Variants in SMCHD1 observed in about 807,000 individuals in gnomAD.
SMCHD1 encodes the protein structural maintenance of chromosomes flexible hinge domain-containing protein 1.
In SMCHD1, 78 loss-of-function variants were observed where a neutral mutation model predicts 254.7. The observed-to-expected ratio is 0.31, with a 90% CI of 0.26 to 0.37. SMCHD1 has a LOEUF of 0.37. Ranked by LOEUF, SMCHD1 falls within the 10% of genes least tolerant of loss-of-function variation. The pLI, the probability that SMCHD1 is intolerant of heterozygous loss-of-function variation, is 1.00. For synonymous variants in SMCHD1, 766 were observed against 794.9 expected, an observed-to-expected ratio of 0.96 and a Z score of 0.61; for missense variants, 1,840 against 2,408.1, an observed-to-expected ratio of 0.76 and a Z score of 4.94.
intron 17 of SMCHD1, among the ~76,000 whole-genome samples, chr18:2,714,910 AAG>A: frequency 1.3e-5 from 2 of 152,356 alleles, no homozygotes; most frequent in Admixed American, 1.3e-4. Context: ...ACTGTAAAAA[AAG>A]AAAAAACAAA....
At chr18:2,742,867 G>C (rs568272418) in intron 28 of SMCHD1, among the ~76,000 whole-genome samples, 8 of 152,008 alleles carry the variant, frequency 5.3e-5, no homozygotes, top group African/African-American at 1.9e-4. Context: ...TGTAGAGACG[G>C]GGTCTTACTG....
intron 12 of SMCHD1, 56 bp downstream of exon 12, chr18:2,700,974 A>G (rs2074386511): frequency 1.5e-6 from 2 of 1,307,694 alleles, no homozygotes; most frequent in Non-Finnish European, 2.1e-6. Context: ...TTTTTAAGTA[A>G]AAGAAGACAC....
intron 5 of SMCHD1, among the ~76,000 whole-genome samples, chr18:2,675,400 G>T (rs970736484): frequency 4.0e-5 from 6 of 151,726 alleles, no homozygotes; most frequent in African/African-American, 1.5e-4. Flanking sequence ...GAGTAGCTGC[G>T]ACTACAGGCA....
chr18:2,672,813 T>C (rs886942553), intron 3 of SMCHD1, among the ~76,000 whole-genome samples: 1 of 152,162 alleles, frequency 6.6e-6, no homozygotes, highest in Non-Finnish European at 1.5e-5. Context: ...ATATCCAAAT[T>C]AGCTTTCAAG....
chr18:2,731,346 AT>A (rs988606871), intron 24 of SMCHD1, among the ~76,000 whole-genome samples: 1 of 152,186 alleles, frequency 6.6e-6, no homozygotes, highest in African/African-American at 2.4e-5. Flanking sequence ...TAATATTTTA[AT>A]TTTGTGTGCC....
At chr18:2,732,600 A>G in intron 25 of SMCHD1, 108 bp downstream of exon 25, 1 of 676,752 alleles carries the variant, frequency 1.5e-6, no homozygotes. Flanking sequence ...AGCTTGTCAC[A>G]GAAAAGTTAT....
intron 45 of SMCHD1, among the ~76,000 whole-genome samples, chr18:2,791,269 A>ATAAC (rs1247242929): frequency 6.6e-5 from 10 of 152,218 alleles, no homozygotes; most frequent in African/African-American, 2.4e-4. Context: ...CCAAGATGGA[A>ATAAC]TAACTTACAT....
rs909373245 is a variant in SMCHD1 at position 2,707,721 on chromosome 18, C to T, written c.2146+76C>T. The T allele has an allele frequency of 3.6e-5, 52 of 1,455,826 alleles. No homozygotes were observed. In the East Asian group the frequency reaches 9.1e-4, roughly 26 times the overall value. The allele number at this position is 1,455,826 out of a possible 1,614,324, so 90.2% of individuals were successfully genotyped here. ...TACATTTCCAATATGTAAAAGGTCA[C>T]GAGATATTAAAATGCAATGGGAAGA... On this transcript the variant is annotated intron_variant, in intron 16 of 47. Transcript: ENST00000320876.
chr18:2,746,452 T>TA (rs1568295770), intron 29 of SMCHD1, among the ~76,000 whole-genome samples: 1 of 152,230 alleles, frequency 6.6e-6, no homozygotes, highest in Non-Finnish European at 1.5e-5. Context: ...AAATACTGTA[T>TA]GTTTACATTT....
At position 2,803,722 on chromosome 18, in the gene SMCHD1, C is replaced by T. The variant is rs1568423831; in HGVS notation, c.*1170C>T. 1 of 152,016 alleles carries T rather than the reference C, an allele frequency of 6.6e-6. No homozygotes were observed. Among genetic ancestry groups the T allele is most frequent in the Non-Finnish European group, 1.5e-5 (1 of 68,000 alleles). The allele number at this position is 152,016 out of a possible 1,614,324, so 9.4% of individuals were successfully genotyped here. A position where few individuals can be genotyped will look rare whatever the true frequency, so the allele number is the denominator to read the frequency against. ...TCTTTATAATTGGAAATTATTTAAA[C>T]TGTTTGTTGTTACAGAAGAAACAAA... On this transcript the variant is annotated 3_prime_UTR_variant, in exon 48 of 48. Transcript: ENST00000320876.
At chr18:2,780,469 C>T (rs765452853) in intron 44 of SMCHD1, among the ~76,000 whole-genome samples, 3 of 151,826 alleles carry the variant, frequency 2.0e-5, no homozygotes, top group South Asian at 2.1e-4. Context: ...TTATATATCC[C>T]GAATTATGAA....
At chr18:2,699,852 T>A (rs987085733) in intron 10 of SMCHD1, among the ~76,000 whole-genome samples, 5 of 152,230 alleles carry the variant, frequency 3.3e-5, no homozygotes, top group African/African-American at 1.2e-4. Flanking sequence ...GAAGGTTTTG[T>A]TTTAGGTGGG....
chr18:2,741,203 CATT>C (rs1248049732), intron 28 of SMCHD1, among the ~76,000 whole-genome samples: 3 of 152,068 alleles, frequency 2.0e-5, no homozygotes, highest in East Asian at 3.9e-4. Context: ...GGAGAAAAAT[CATT>C]ATAAAGGTTT....
chr18:2,785,670 A>AAAAAAAT (rs57180698), intron 45 of SMCHD1, among the ~76,000 whole-genome samples: 1 of 97,956 alleles, frequency 1.0e-5, no homozygotes, highest in African/African-American at 3.8e-5. Context: ...AAAAAAAAAA[A>AAAAAAAT]ACAGTTCATT....
chr18:2,668,819 C>T (rs2073512850), intron 3 of SMCHD1, among the ~76,000 whole-genome samples: 1 of 152,080 alleles, frequency 6.6e-6, no homozygotes, highest in African/African-American at 2.4e-5. Context: ...ATTTTCAGTT[C>T]TAATTTTTCT....
rs376982809 is a variant in SMCHD1, at chr18:2,762,235, C to T, written c.4565C>T (p.Thr1522Met). 8 of 1,612,084 alleles carry T rather than the reference C, an allele frequency of 5.0e-6. No individual in the cohort carries two copies. The African/African-American group carries it at 6.7e-5, about 13-fold the overall frequency. Reference sequence around the variant, plus strand: ...GTCAGAGATCTACATCTTAGTATCACGGTAATGTTTATTTTCTTCCAAAAC... The same window carrying T: ...GTCAGAGATCTACATCTTAGTATCATGGTAATGTTTATTTTCTTCCAAAAC... ...TLVRDLHLSITDDYDNHTGID... is the reference protein window; with the variant it reads ...TLVRDLHLSIMDDYDNHTGID... Residue 1522 changes from threonine to methionine, a missense_variant and splice_region_variant, in exon 36 of 48, where the codon ACG becomes ATG. Coordinates refer to ENST00000320876, the MANE Select transcript of SMCHD1 (RefSeq NM_015295.3).
intron 39 of SMCHD1, 36 bp downstream of exon 39, chr18:2,770,144 T>G (rs1250456122): frequency 1.9e-6 from 3 of 1,585,904 alleles, no homozygotes; most frequent in African/African-American, 1.4e-5. Context: ...AAATTATGCT[T>G]TGGGGAATGA....
At chr18:2,656,291 G>GT in intron 1 of SMCHD1, 30 bp downstream of exon 1, 1 of 1,451,036 alleles carries the variant, frequency 6.9e-7, no homozygotes, top group Non-Finnish European at 9.0e-7. Context: ...AGGGATGCGC[G>GT]TGTAGACTTG....
chr18:2,791,906 T>C (rs1011322394), intron 45 of SMCHD1, among the ~76,000 whole-genome samples: 15 of 152,244 alleles, frequency 9.9e-5, no homozygotes, highest in Middle Eastern at 3.4e-3. Flanking sequence ...TGCATGCATG[T>C]GAGAAGACCA....
Sources: gnomAD v4.1 joint callset for allele counts (sites outside exome capture counted in the v4.1 genomes callset) on GRCh38, gnomAD v4.1.1 for gene constraint, MANE v1.5 for transcripts, NCBI Gene and HGNC (gene_info 2026-07-23, HGNC 2026-07-21) for gene names.